Variants in TBC1D5 observed in about 807,000 individuals in gnomAD.
The protein encoded by TBC1D5 is TBC1 domain family member 5.
In TBC1D5, 75 loss-of-function variants were observed where a neutral mutation model predicts 100.3. The ratio of observed to expected loss-of-function variants is 0.75; its 90% CI spans 0.62 to 0.91. TBC1D5 has a LOEUF of 0.91. Among genes scored for constraint, TBC1D5 ranks in the 40% least tolerant of loss-of-function variants. The pLI, the probability that TBC1D5 is intolerant of heterozygous loss-of-function variation, is 0.00. For missense variants in TBC1D5, 910 were observed against 942.4 expected (o/e 0.97, Z 0.45); for synonymous variants, 323 against 325.6 (o/e 0.99, Z 0.09).
At chr3:17,481,541 C>T (rs751903160) in intron 3 of TBC1D5, among the ~76,000 whole-genome samples, 12 of 152,300 alleles carry the variant, frequency 7.9e-5, no homozygotes, top group Middle Eastern at 3.4e-3. Context: ...GGCCACAGAG[C>T]GAGACCTGTA....
chr3:17,235,746 C>A (rs1185746569), intron 17 of TBC1D5, among the ~76,000 whole-genome samples: 3 of 152,186 alleles, frequency 2.0e-5, no homozygotes, highest in Non-Finnish European at 4.4e-5. Context: ...TTGCTTAGGG[C>A]TCATCAATGG....
intron 1 of TBC1D5, among the ~76,000 whole-genome samples, chr3:17,647,991 T>C (rs2153710361): frequency 6.6e-6 from 1 of 152,220 alleles, no homozygotes; most frequent in East Asian, 1.9e-4. Flanking sequence ...TATTTTAAAA[T>C]TCGTATGAAA....
chr3:17,305,580 T>C (rs1436643609), intron 14 of TBC1D5, among the ~76,000 whole-genome samples: 3 of 152,166 alleles, frequency 2.0e-5, no homozygotes, highest in Non-Finnish European at 4.4e-5. Flanking sequence ...TTTAACTTTA[T>C]TTTTCAAATC....
chr3:17,378,881 A>G (rs2092816629), intron 9 of TBC1D5, among the ~76,000 whole-genome samples: 1 of 151,572 alleles, frequency 6.6e-6, no homozygotes, highest in African/African-American at 2.4e-5. Context: ...TAATCATTCC[A>G]TCTTCAATAA....
intron 1 of TBC1D5, among the ~76,000 whole-genome samples, chr3:17,704,013 A>G (rs1379037915): frequency 2.1e-5 from 3 of 143,290 alleles, no homozygotes; most frequent in African/African-American, 7.8e-5. Flanking sequence ...AGGGAAGGTC[A>G]GCAGATAAAC....
chr3:17,575,896 T>C (rs1467695888), intron 2 of TBC1D5, among the ~76,000 whole-genome samples: 1 of 152,152 alleles, frequency 6.6e-6, no homozygotes, highest in Non-Finnish European at 1.5e-5. Flanking sequence ...AAAATTGATA[T>C]ACATTTAGAA....
intron 2 of TBC1D5, among the ~76,000 whole-genome samples, chr3:17,539,598 T>C (rs1217532603): frequency 6.6e-6 from 1 of 152,208 alleles, no homozygotes; most frequent in African/African-American, 2.4e-5. Flanking sequence ...TCTGTTTTAA[T>C]GTTAATGCTG....
intron 16 of TBC1D5, among the ~76,000 whole-genome samples, chr3:17,238,632 T>TTTCA (rs1401533068): frequency 2.0e-5 from 3 of 152,224 alleles, no homozygotes; most frequent in Non-Finnish European, 2.9e-5. Context: ...CTTATTTACA[T>TTTCA]TTCATTCATT....
chr3:17,648,976 G>C (rs751921575), intron 1 of TBC1D5, among the ~76,000 whole-genome samples: 1 of 152,020 alleles, frequency 6.6e-6, no homozygotes, highest in Non-Finnish European at 1.5e-5. Context: ...CCCATTACTG[G>C]GTATATACCC....
At chr3:17,499,316 A>G (rs946322039) in intron 3 of TBC1D5, among the ~76,000 whole-genome samples, 4 of 152,214 alleles carry the variant, frequency 2.6e-5, no homozygotes, top group Non-Finnish European at 5.9e-5. Context: ...TTTAATGCAT[A>G]AATCAATAAA....
At chr3:17,715,652 A>C (rs2075162251) in intron 1 of TBC1D5, among the ~76,000 whole-genome samples, 1 of 152,146 alleles carries the variant, frequency 6.6e-6, no homozygotes, top group South Asian at 2.1e-4. Flanking sequence ...AAAAACAAAA[A>C]AATTAGCCAG....
chr3:17,539,663 C>A (rs1185777928), intron 2 of TBC1D5, among the ~76,000 whole-genome samples: 1 of 152,120 alleles, frequency 6.6e-6, no homozygotes, highest in Admixed American at 6.5e-5. Flanking sequence ...CCTGATCACC[C>A]CCTCCCCATC....
chr3:17,301,139 A>G (rs2082784536), intron 14 of TBC1D5, among the ~76,000 whole-genome samples: 1 of 152,138 alleles, frequency 6.6e-6, no homozygotes, highest in Non-Finnish European at 1.5e-5. Flanking sequence ...AATTTACAAG[A>G]CAAATAAAAG....
intron 2 of TBC1D5, among the ~76,000 whole-genome samples, chr3:17,562,348 T>TA (rs1286934389): frequency 3.3e-5 from 5 of 151,882 alleles, no homozygotes; most frequent in Non-Finnish European, 7.4e-5. Context: ...TCAACATTGT[T>TA]AGAGAGATTT....
chr3:17,276,610 C>A (rs543888211), intron 15 of TBC1D5, among the ~76,000 whole-genome samples: 1 of 152,282 alleles, frequency 6.6e-6, no homozygotes, highest in African/African-American at 2.4e-5. Context: ...GATTGAGGGT[C>A]ACAAGCTTCC....
chr3:17,677,894 G>T (rs1341264838), intron 1 of TBC1D5, among the ~76,000 whole-genome samples: 3 of 151,972 alleles, frequency 2.0e-5, no homozygotes, highest in Non-Finnish European at 4.4e-5. Flanking sequence ...ACTATCACAA[G>T]GTCAAAAAAA....
intron 3 of TBC1D5, among the ~76,000 whole-genome samples, chr3:17,445,088 A>G (rs912762410): frequency 1.3e-5 from 2 of 152,142 alleles, no homozygotes; most frequent in Non-Finnish European, 2.9e-5. Context: ...TCCCCTTATC[A>G]GTGGACATAT....
intron 2 of TBC1D5, among the ~76,000 whole-genome samples, chr3:17,606,767 G>T (rs528691280): frequency 6.6e-6 from 1 of 151,944 alleles, no homozygotes; most frequent in Non-Finnish European, 1.5e-5. Flanking sequence ...TTGACAAAGA[G>T]GTCATTTCTA....
At chr3:17,553,054 A>C (rs758977264) in intron 2 of TBC1D5, among the ~76,000 whole-genome samples, 33 of 152,170 alleles carry the variant, frequency 2.2e-4, no homozygotes, top group Non-Finnish European at 4.0e-4. Flanking sequence ...AATTGACTAC[A>C]TGATAGGTGT....
Sources: gnomAD v4.1 joint callset for allele counts (sites outside exome capture counted in the v4.1 genomes callset) on GRCh38, gnomAD v4.1.1 for gene constraint, MANE v1.5 for transcripts, NCBI Gene and HGNC (gene_info 2026-07-23, HGNC 2026-07-21) for gene names.